Variants in GABRB3 observed in about 807,000 individuals in gnomAD.
The protein encoded by GABRB3 is gamma-aminobutyric acid receptor subunit beta-3.
A neutral mutation model predicts 52.1 loss-of-function variants in GABRB3; 14 were observed. The ratio of observed to expected loss-of-function variants is 0.27; its 90% CI spans 0.18 to 0.42. The LOEUF (loss-of-function observed/expected upper bound fraction) is 0.42, where lower values mean the gene tolerates loss of function less well. GABRB3 is among the 10% of genes least tolerant of loss of function. The pLI, the probability that GABRB3 is intolerant of heterozygous loss-of-function variation, is 1.00. For missense variants in GABRB3, 307 were observed against 609.1 expected, an observed-to-expected ratio of 0.50 and a Z score of 5.22; for synonymous variants, 260 against 232.3, an observed-to-expected ratio of 1.12 and a Z score of -1.08.
intron 3 of GABRB3, chr15:26,625,515 G>A (rs1189134329): frequency 1.0e-6 from 1 of 984,596 alleles, no homozygotes; most frequent in East Asian, 1.1e-4. Flanking sequence ...GTCTGTCAGA[G>A]TTTTGAATTC....
In GABRB3 at chr15:26,663,352, A is replaced by C. The variant is rs374283455; in HGVS notation, c.241-41818T>G. The stretch of plus-strand genomic sequence containing the variant: ...GCTGAAATCTCCAACTATAATTGTG[A>C]ATTTGTCTGTTTCTCCTTTAAGCTA... On this transcript the variant is annotated intron_variant, in intron 3 of 8. Coordinates refer to ENST00000311550, the MANE Select transcript of GABRB3 (RefSeq NM_000814.6). Among the ~76,000 whole-genome samples the C allele has an allele frequency of 1.6e-4, 24 of 152,238 alleles. No homozygotes were observed. The East Asian group carries it at 4.2e-3, about 27-fold the overall frequency.
chr15:26,694,217 GA>G (rs1221502407), intron 3 of GABRB3, among the ~76,000 whole-genome samples: 5 of 152,182 alleles, frequency 3.3e-5, no homozygotes, highest in African/African-American at 1.2e-4. Flanking sequence ...CAATATGGGG[GA>G]AGGAAAGTAC....
chr15:26,545,084 A>C lies in GABRB3; in HGVS notation c.*2709T>G, dbSNP rs1256549644. ...AGTTTTAAAAATGGAGAAGCTATAA[A>C]ATAATTTTGTTAGAAGAAAAGTAAT... On this transcript the variant is annotated 3_prime_UTR_variant, in exon 9 of 9. Coordinates refer to ENST00000311550, the MANE Select transcript of GABRB3 (RefSeq NM_000814.6). 1.3e-5 allele frequency: 2 copies of C among 152,468 alleles called. No homozygotes were observed. The highest frequency in any genetic ancestry group is 2.4e-5 in the African/African-American group (1 of 41,438). 9.4% of individuals were successfully genotyped at this position (152,468 alleles called of 1,614,324 possible).
Position 26,694,110 on chromosome 15 carries a change from A to T in GABRB3, c.241-72576T>A, listed in dbSNP as rs191084230. Among the ~76,000 whole-genome samples the T allele has an allele frequency of 5.1e-4, 77 of 152,270 alleles. 1 individual carries two copies. Among genetic ancestry groups the T allele is most frequent in the Admixed American group, 4.7e-3 (72 of 15,296 alleles). ...CTGGGCAACATATAAAAATTAAAAA[A>T]TTTTTATAAAAGAAATCATCTTAAA... On this transcript the variant is annotated intron_variant, in intron 3 of 8. Transcript: ENST00000311550.
chr15:26,696,728 C>A lies in GABRB3; in HGVS notation c.241-75194G>T, dbSNP rs938811723. Among the ~76,000 whole-genome samples the A allele has an allele frequency of 2.0e-5, 3 of 152,302 alleles. No individual in the cohort carries two copies. The South Asian group carries it at 6.2e-4, about 32-fold the overall frequency. On this transcript the variant is annotated intron_variant, in intron 3 of 8. Coordinates refer to ENST00000311550, the MANE Select transcript of GABRB3 (RefSeq NM_000814.6). The stretch of plus-strand genomic sequence containing the variant: ...GCCTTTTGCCACGTCGACCCATTCA[C>A]CACACTTAGGCTGGAACCTGCAGAG...
chr15:26,563,911 A>T (rs1045018456), intron 7 of GABRB3, among the ~76,000 whole-genome samples: 2 of 152,212 alleles, frequency 1.3e-5, no homozygotes, highest in Non-Finnish European at 2.9e-5. Context: ...AAAAATGAAT[A>T]TGAAATAAAA....
Position 26,606,772 on chromosome 15 carries a change from A to ATCGATAGATATATC in GABRB3, c.461+14541_461+14542insGATATATCTATCGA, listed in dbSNP as rs1566770499. ...ATATCATACATATCTGTCTATCTATAGATAGATAGATATATCTATAGATAG... is the reference window on the plus strand; with the variant it reads ...ATATCATACATATCTGTCTATCTATATCGATAGATATATCGATAGATAGATATATCTATAGATAG... On this transcript the variant is annotated intron_variant, in intron 4 of 8. Transcript: ENST00000311550. Among the ~76,000 whole-genome samples the ATCGATAGATATATC allele has an allele frequency of 6.6e-3, 538 of 81,766 alleles. 7 individuals are homozygous for ATCGATAGATATATC. Among genetic ancestry groups the ATCGATAGATATATC allele is most frequent in the African/African-American group, 0.018 (518 of 29,202 alleles). 53.6% of individuals were successfully genotyped at this position (81,766 alleles called of 152,430 possible).
At chr15:26,696,720 C>A (rs919450268) in intron 3 of GABRB3, among the ~76,000 whole-genome samples, 1 of 152,182 alleles carries the variant, frequency 6.6e-6, no homozygotes, top group Non-Finnish European at 1.5e-5. Flanking sequence ...GCCACGTCGA[C>A]CCATTCACCA....
intron 6 of GABRB3, among the ~76,000 whole-genome samples, chr15:26,569,966 T>C (rs1890333197): frequency 2.6e-5 from 4 of 152,250 alleles, no homozygotes; most frequent in African/African-American, 7.2e-5. Flanking sequence ...TGATGGTTTT[T>C]ACCTTTTCAT....
intron 4 of GABRB3, among the ~76,000 whole-genome samples, chr15:26,617,641 C>T (rs1286927886): frequency 6.6e-6 from 1 of 151,666 alleles, no homozygotes; most frequent in Non-Finnish European, 1.5e-5. Context: ...TCCTATTCAA[C>T]ATAGTGTTGG....
intron 4 of GABRB3, chr15:26,613,553 C>A (rs1043528602): frequency 6.6e-6 from 1 of 151,866 alleles, no homozygotes; most frequent in Non-Finnish European, 1.5e-5. Context: ...AATATAAGTA[C>A]TATGGAAAGG....
intron 4 of GABRB3, among the ~76,000 whole-genome samples, chr15:26,606,805 T>TATAGATAGATATATCTATAGATAGATAG (rs1555370516): frequency 3.4e-5 from 4 of 117,950 alleles, no homozygotes; most frequent in African/African-American, 1.1e-4. Context: ...TAGATATATC[T>TATAGATAGATATATCTATAGATAGATAG]ATAGATAGAT....
At chr15:26,712,093 G>A (rs981778) in intron 3 of GABRB3, among the ~76,000 whole-genome samples, 48,698 of 152,038 alleles carry the variant, frequency 0.32, 8,382 homozygotes, top group Middle Eastern at 0.43. Context: ...CAGGGCCTAA[G>A]TGGGAGGCCA....
intron 4 of GABRB3, among the ~76,000 whole-genome samples, chr15:26,589,941 T>C (rs1891132683): frequency 6.6e-6 from 1 of 152,102 alleles, no homozygotes; most frequent in African/African-American, 2.4e-5. Flanking sequence ...ATGTCCCAAA[T>C]GTAAGAGTCA....
chr15:26,653,832 G>A (rs991907939), intron 3 of GABRB3, among the ~76,000 whole-genome samples: 1 of 152,150 alleles, frequency 6.6e-6, no homozygotes, highest in Non-Finnish European at 1.5e-5. Flanking sequence ...TTTTTAAACA[G>A]GAAGCATGTA....
chr15:26,759,552 C>T (rs1890756551), intron 3 of GABRB3, among the ~76,000 whole-genome samples: 1 of 152,214 alleles, frequency 6.6e-6, no homozygotes. Context: ...AGCCACCGTG[C>T]CCAGCCAAAA....
chr15:26,641,203 T>C (rs892577748), intron 3 of GABRB3, among the ~76,000 whole-genome samples: 3 of 152,186 alleles, frequency 2.0e-5, no homozygotes, highest in Non-Finnish European at 4.4e-5. Context: ...CAAATATACC[T>C]TTATGAATGA....
chr15:26,620,138 T>A (rs1595488721), intron 4 of GABRB3, among the ~76,000 whole-genome samples: 1 of 152,202 alleles, frequency 6.6e-6, no homozygotes, highest in African/African-American at 2.4e-5. Flanking sequence ...GGTCTCATTT[T>A]CAGGCAAAAA....
In GABRB3 at chr15:26,552,343, C is replaced by A. The variant is rs541474008; in HGVS notation, c.1081-4209G>T. The stretch of plus-strand genomic sequence containing the variant: ...ATCTGTCCTTTCTGTTTTCTTTCCA[C>A]GGGATGATTAGCAGCAAAACTCTTT... On this transcript the variant is annotated intron_variant, in intron 8 of 8. Coordinates refer to ENST00000311550, the MANE Select transcript of GABRB3 (RefSeq NM_000814.6). Among the ~76,000 whole-genome samples the A allele has an allele frequency of 9.8e-5, 15 of 152,300 alleles. No individual in the cohort carries two copies. In the South Asian group the frequency reaches 2.9e-3, roughly 29 times the overall value.
Sources: allele counts gnomAD v4.1 joint callset (sites outside exome capture counted in the v4.1 genomes callset), GRCh38; gene constraint gnomAD v4.1.1; transcripts MANE v1.5; gene names NCBI Gene and HGNC (gene_info 2026-07-23, HGNC 2026-07-21).